The following ANK3 variants were observed in gnomAD, a reference collection of about 807,000 sequenced individuals.
The protein encoded by ANK3 is ankyrin-3.
A neutral mutation model predicts 370.9 loss-of-function variants in ANK3; 57 were observed. The ratio of observed to expected loss-of-function variants is 0.15; its 90% CI spans 0.12 to 0.19. ANK3 has a LOEUF of 0.19. Ranked by LOEUF, ANK3 falls within the 10% of genes least tolerant of loss-of-function variation. The pLI is 1.00. For synonymous variants in ANK3, 1,929 were observed against 1,946.3 expected, an observed-to-expected ratio of 0.99 and a Z score of 0.23; for missense variants, 4,439 against 5,302.1, an observed-to-expected ratio of 0.84 and a Z score of 5.06.
chr10:60,068,051 G>C (rs1418777364), intron 37 of ANK3, 42 bp from the exon 38 acceptor site: 4 of 1,563,098 alleles, frequency 2.6e-6, no homozygotes, highest in Non-Finnish European at 3.5e-6. Flanking sequence ...CATCAAGAAA[G>C]ATACGATACT....
At chr10:60,425,564 C>G (rs1234039018) in intron 2 of ANK3, among the ~76,000 whole-genome samples, 4 of 152,096 alleles carry the variant, frequency 2.6e-5, no homozygotes, top group Non-Finnish European at 5.9e-5. Flanking sequence ...TGCCATTAAT[C>G]TTGGCTAAAG....
chr10:60,129,526 C>T (rs532150962), intron 25 of ANK3, among the ~76,000 whole-genome samples: 1 of 152,072 alleles, frequency 6.6e-6, no homozygotes, highest in South Asian at 2.1e-4. Context: ...ACAAGCTGGG[C>T]GGATCACTTG....
chr10:60,408,834 C>A (rs930694201), intron 2 of ANK3, among the ~76,000 whole-genome samples: 2 of 152,148 alleles, frequency 1.3e-5, no homozygotes, highest in Non-Finnish European at 2.9e-5. Context: ...TTCTTCCCCC[C>A]TCCCAAACCC....
intron 17 of ANK3, among the ~76,000 whole-genome samples, chr10:60,182,034 A>G (rs1376362146): frequency 6.6e-6 from 1 of 152,040 alleles, no homozygotes; most frequent in Non-Finnish European, 1.5e-5. Context: ...TAGACACTAT[A>G]ACATTTACCC....
chr10:60,717,062 G>C lies in ANK3; in HGVS notation c.57+16201C>G, dbSNP rs895575387. ...CCCTTGAGGATTTTTTTATTAAGCC[G>C]GTATTCCACATTTTACTTTTACATT... On this transcript the variant is annotated intron_variant, in intron 1 of 43. Transcript: ENST00000373827. Among the ~76,000 whole-genome samples, 5 of 152,136 alleles carry C rather than the reference G, an allele frequency of 3.3e-5. No individual in the cohort carries two copies. In the South Asian group the frequency reaches 1.0e-3, roughly 32 times the overall value.
chr10:60,698,430 G>C (rs1237117943), intron 1 of ANK3, among the ~76,000 whole-genome samples: 402 of 149,498 alleles, frequency 2.7e-3, no homozygotes, highest in Middle Eastern at 0.01. Context: ...AGAAATCATG[G>C]TTCTATAAAG....
upstream of ANK3, among the ~76,000 whole-genome samples, chr10:60,391,601 C>T (rs568105046): frequency 1.4e-4 from 22 of 152,258 alleles, no homozygotes; most frequent in African/African-American, 4.3e-4. Context: ...AAAAAGCTGG[C>T]GTCTTTCCCA....
intron 1 of ANK3, among the ~76,000 whole-genome samples, chr10:60,615,490 T>A (rs985601665): frequency 6.6e-6 from 1 of 152,106 alleles, no homozygotes; most frequent in Non-Finnish European, 1.5e-5. Flanking sequence ...AGAGAATTTT[T>A]AAAAATGAAA....
At chr10:60,371,901 A>G (rs2060153526) in intron 1 of ANK3, among the ~76,000 whole-genome samples, 1 of 152,188 alleles carries the variant, frequency 6.6e-6, no homozygotes, top group Middle Eastern at 3.2e-3. Context: ...GTGGAAGCCA[A>G]GTGGAAGTAG....
At chr10:60,116,819 AT>A (rs2093127266) in intron 25 of ANK3, among the ~76,000 whole-genome samples, 1 of 152,188 alleles carries the variant, frequency 6.6e-6, no homozygotes, top group South Asian at 2.1e-4. Flanking sequence ...CAAGGAAACA[AT>A]TTAAGAAACT....
At position 60,592,700 on chromosome 10, in the gene ANK3, G is replaced by A. The variant is rs556857016; in HGVS notation, c.96+22486C>T. Among the ~76,000 whole-genome samples the A allele has an allele frequency of 6.1e-4, 93 of 152,302 alleles. 1 individual carries two copies. The highest frequency in any genetic ancestry group is 1.1e-3 in the Non-Finnish European group (73 of 68,016). On this transcript the variant is annotated intron_variant, in intron 2 of 43. Coordinates refer to the ANK3 transcript ENST00000373827. Reference sequence around the variant, plus strand: ...AATCACTTGAACTCAGGAGGCAGAAGTCGCAGTGAGCTGAGATCACGCCAC... The same window carrying A: ...AATCACTTGAACTCAGGAGGCAGAAATCGCAGTGAGCTGAGATCACGCCAC...
intron 2 of ANK3, among the ~76,000 whole-genome samples, chr10:60,550,503 G>T (rs968182532): frequency 6.6e-6 from 1 of 151,778 alleles, no homozygotes; most frequent in Non-Finnish European, 1.5e-5. Context: ...ACACTAAAAA[G>T]AATTTTTTAA....
chr10:60,201,868 C>T (rs182948350), intron 12 of ANK3, among the ~76,000 whole-genome samples: 48 of 152,016 alleles, frequency 3.2e-4, no homozygotes, highest in African/African-American at 9.4e-4. Flanking sequence ...TGCACCACCA[C>T]GCCCAGCTAA....
chr10:60,494,878 T>C (rs1163048529), intron 2 of ANK3, among the ~76,000 whole-genome samples: 2 of 152,196 alleles, frequency 1.3e-5, no homozygotes, highest in African/African-American at 4.8e-5. Flanking sequence ...ATGCAAATGA[T>C]TTGTTTCACC....
intron 2 of ANK3, among the ~76,000 whole-genome samples, chr10:60,510,413 G>A (rs1404265796): frequency 6.6e-6 from 1 of 152,098 alleles, no homozygotes; most frequent in East Asian, 1.9e-4. Flanking sequence ...TACCCACCAT[G>A]TGCCAAGTAC....
At chr10:60,702,446 T>C (rs938397639) in intron 1 of ANK3, among the ~76,000 whole-genome samples, 1 of 152,172 alleles carries the variant, frequency 6.6e-6, no homozygotes, top group African/African-American at 2.4e-5. Flanking sequence ...GCTGGTATTG[T>C]TATTTTGAGA....
chr10:60,544,139 A>G (rs1459119264), intron 2 of ANK3, among the ~76,000 whole-genome samples: 3 of 152,078 alleles, frequency 2.0e-5, no homozygotes, highest in African/African-American at 7.2e-5. Context: ...TGTATAGAAA[A>G]CACCGTCCAG....
chr10:60,475,577 A>G lies in ANK3; in HGVS notation c.96+139609T>C, dbSNP rs1323128953. ...CCCAAACAAAAGCATCTGAACAAAA[A>G]CCTGTTTTGTAAAGAAAAGCCAAAT... On this transcript the variant is annotated intron_variant, in intron 2 of 43. Transcript: ENST00000373827. Among the ~76,000 whole-genome samples, 27 of 152,322 alleles carry G rather than the reference A, an allele frequency of 1.8e-4. 2 individuals carry two copies. Among genetic ancestry groups the G allele is most frequent in the Admixed American group, 1.6e-3 (24 of 15,298 alleles).
At chr10:60,544,247 A>G (rs899213373) in intron 2 of ANK3, among the ~76,000 whole-genome samples, 9 of 152,138 alleles carry the variant, frequency 5.9e-5, no homozygotes, top group African/African-American at 2.2e-4. Context: ...TAGTCTTGTT[A>G]TAGTTCAACC....
Sources: allele counts gnomAD v4.1 joint callset (sites outside exome capture counted in the v4.1 genomes callset), GRCh38; gene constraint gnomAD v4.1.1; transcripts MANE v1.5; gene names NCBI Gene and HGNC (gene_info 2026-07-23, HGNC 2026-07-21).